Variants in CSMD1 observed in about 807,000 individuals in gnomAD.
CSMD1 encodes the protein CUB and Sushi multiple domains 1, also known as CUB and sushi domain-containing protein 1.
Under a neutral mutation model 417.5 loss-of-function variants are expected in CSMD1, and 213 were observed. That is an observed-to-expected ratio of 0.51 (90% CI 0.46 to 0.57). The LOEUF (loss-of-function observed/expected upper bound fraction) is 0.57, where lower values mean the gene tolerates loss of function less well. CSMD1 is among the 20% of genes least tolerant of loss of function. The pLI is 0.00. For synonymous variants in CSMD1, 2,862 were observed against 1,736.8 expected (o/e 1.65, Z -16.11); for missense variants, 6,923 against 4,529.7 (o/e 1.53, Z -15.17).
intron 3 of CSMD1, among the ~76,000 whole-genome samples, chr8:4,374,135 C>T (rs1024826487): frequency 2.0e-5 from 3 of 152,200 alleles, no homozygotes; most frequent in South Asian, 2.1e-4. Flanking sequence ...GACCCATCAG[C>T]TGGATAAGTA....
rs749656867 is a variant in CSMD1 at position 2,962,527 on chromosome 8, T to C, written c.9567A>G (p.Gly3189=). 15 of 1,613,772 alleles carry C rather than the reference T, an allele frequency of 9.3e-6. No homozygotes were observed. The East Asian group carries it at 3.1e-4, about 34-fold the overall frequency. ...CAGCTTGGCAGACTCTTCTGGAGGA[T>C]CCCACGAGTATAAATGGAGATTTGC... ...FQCKSPFILV[G]SSRRVCQADG... The change falls in exon 61 of 70, where the codon GGA becomes GGG. Residue 3189 remains glycine (G), a synonymous_variant. Coordinates refer to ENST00000635120, the MANE Select transcript of CSMD1 (RefSeq NM_033225.6).
intron 3 of CSMD1, among the ~76,000 whole-genome samples, chr8:4,053,148 A>G (rs985795747): frequency 1.6e-4 from 24 of 152,228 alleles, no homozygotes; most frequent in African/African-American, 5.5e-4. Context: ...TGCAGTGTAC[A>G]GTTAGTGAAA....
chr8:4,229,184 T>C (rs934104430), intron 3 of CSMD1, among the ~76,000 whole-genome samples: 2 of 152,194 alleles, frequency 1.3e-5, no homozygotes, highest in African/African-American at 4.8e-5. Flanking sequence ...AGTCAACTTG[T>C]ATTCCTCCTT....
intron 3 of CSMD1, among the ~76,000 whole-genome samples, chr8:4,371,002 C>A (rs917453327): frequency 6.6e-6 from 1 of 152,306 alleles, no homozygotes; most frequent in East Asian, 1.9e-4. Context: ...ACACACTGAC[C>A]TTTAGTGTTA....
chr8:4,068,486 A>G (rs553742115), intron 3 of CSMD1, among the ~76,000 whole-genome samples: 1 of 152,350 alleles, frequency 6.6e-6, no homozygotes, highest in African/African-American at 2.4e-5. Flanking sequence ...AACACATAGC[A>G]TCATTACAGA....
chr8:4,890,048 A>T (rs1475538902), intron 1 of CSMD1, among the ~76,000 whole-genome samples: 1 of 152,130 alleles, frequency 6.6e-6, no homozygotes, highest in African/African-American at 2.4e-5. Flanking sequence ...GGTGAAAGGT[A>T]AAGGTGCTAA....
chr8:3,387,808 C>A (rs1585090104), intron 17 of CSMD1, 126 bp from the exon 18 acceptor site: 2 of 752,074 alleles, frequency 2.7e-6, no homozygotes, highest in East Asian at 5.5e-5. Flanking sequence ...TGCAAGTGAA[C>A]CCAACAATCC....
chr8:4,967,626 G>C (rs1040696416), intron 1 of CSMD1, among the ~76,000 whole-genome samples: 1 of 152,096 alleles, frequency 6.6e-6, no homozygotes, highest in Admixed American at 6.6e-5. Flanking sequence ...TCGGTTCTAT[G>C]TTCAGTTCTT....
chr8:3,349,369 G>A (rs1332120549), intron 21 of CSMD1, among the ~76,000 whole-genome samples: 1 of 152,144 alleles, frequency 6.6e-6, no homozygotes, highest in Non-Finnish European at 1.5e-5. Context: ...GAAGTTGCTA[G>A]AGATCCATGA....
At chr8:3,271,922 C>T (rs535056750) in intron 26 of CSMD1, among the ~76,000 whole-genome samples, 274 of 152,222 alleles carry the variant, frequency 1.8e-3, no homozygotes, top group Middle Eastern at 0.017. Context: ...TGTGCAGAAG[C>T]TCTTCAGTTT....
chr8:4,386,939 G>A (rs1438894423), intron 3 of CSMD1, among the ~76,000 whole-genome samples: 2 of 152,192 alleles, frequency 1.3e-5, no homozygotes, highest in African/African-American at 4.8e-5. Context: ...ACTATTGATA[G>A]AAAAATCATG....
chr8:3,436,493 T>C (rs1247934630), intron 12 of CSMD1, among the ~76,000 whole-genome samples: 1 of 152,220 alleles, frequency 6.6e-6, no homozygotes, highest in Admixed American at 6.5e-5. Flanking sequence ...TGAATATGCA[T>C]AAAATTAATT....
intron 1 of CSMD1, among the ~76,000 whole-genome samples, chr8:4,981,654 T>C (rs1331987801): frequency 6.6e-6 from 1 of 152,196 alleles, no homozygotes; most frequent in African/African-American, 2.4e-5. Flanking sequence ...TCTTTTTATA[T>C]TACTTTTCTA....
intron 4 of CSMD1, among the ~76,000 whole-genome samples, chr8:4,002,452 G>A (rs910169361): frequency 2.0e-5 from 3 of 152,090 alleles, no homozygotes; most frequent in Non-Finnish European, 2.9e-5. Context: ...AAATAAATCA[G>A]TTTGTTTCCT....
At chr8:4,239,711 A>G (rs1273158867) in intron 3 of CSMD1, among the ~76,000 whole-genome samples, 1 of 152,124 alleles carries the variant, frequency 6.6e-6, no homozygotes, top group Non-Finnish European at 1.5e-5. Flanking sequence ...GTTTTGGGAA[A>G]ACTGGTTGCT....
chr8:3,417,128 C>T (rs556146277), intron 12 of CSMD1, among the ~76,000 whole-genome samples: 2 of 152,286 alleles, frequency 1.3e-5, no homozygotes, highest in South Asian at 2.1e-4. Context: ...TTCTGTTTGA[C>T]ATATGAAATA....
At chr8:4,397,257 T>A (rs1489726414) in intron 3 of CSMD1, among the ~76,000 whole-genome samples, 14 of 152,180 alleles carry the variant, frequency 9.2e-5, no homozygotes, top group Non-Finnish European at 2.9e-5. Flanking sequence ...CATGCGTTTT[T>A]TCATAAAAAC....
chr8:4,525,584 T>C (rs1180352882), intron 2 of CSMD1, among the ~76,000 whole-genome samples: 1 of 152,204 alleles, frequency 6.6e-6, no homozygotes, highest in Non-Finnish European at 1.5e-5. Context: ...ATTGTAATTA[T>C]CTGGTTTATA....
intron 38 of CSMD1, among the ~76,000 whole-genome samples, chr8:3,161,730 G>A (rs1244960893): frequency 6.6e-6 from 1 of 151,046 alleles, no homozygotes; most frequent in Non-Finnish European, 1.5e-5. Flanking sequence ...TTTTATTTTG[G>A]TGCCTTATCT....
Sources: gnomAD v4.1 joint callset for allele counts (sites outside exome capture counted in the v4.1 genomes callset) on GRCh38, gnomAD v4.1.1 for gene constraint, MANE v1.5 for transcripts, NCBI Gene and HGNC (gene_info 2026-07-23, HGNC 2026-07-21) for gene names.